SLC27A2: variants seen among roughly 807,000 people sequenced by gnomAD.
SLC27A2 encodes solute carrier family 27 member 2, also known as long-chain fatty acid transport protein 2.
In SLC27A2, 54 loss-of-function variants were observed where a neutral mutation model predicts 60.0. The observed-to-expected ratio is 0.90, with a 90% CI of 0.72 to 1.13. SLC27A2 has a LOEUF of 1.13. Among genes scored for constraint, SLC27A2 ranks in the 50% most tolerant of loss-of-function variants. The pLI is 0.00. For missense variants in SLC27A2, 739 were observed against 777.6 expected (o/e 0.95, Z 0.59); for synonymous variants, 297 against 297.6 (o/e 1.00, Z 0.02).
intron 1 of SLC27A2, among the ~76,000 whole-genome samples, chr15:50,186,178 A>C (rs2044921020): frequency 6.6e-6 from 1 of 152,080 alleles, no homozygotes; most frequent in Non-Finnish European, 1.5e-5. Context: ...CGGGAGGTTG[A>C]GGCTGCACTG....
At chr15:50,190,810 G>A (rs915971664) in intron 1 of SLC27A2, among the ~76,000 whole-genome samples, 15 of 152,120 alleles carry the variant, frequency 9.9e-5, no homozygotes, top group African/African-American at 3.6e-4. Context: ...AGAACCGACT[G>A]ATGGAGCTGC....
At chr15:50,224,178 C>T (rs1054009049) in intron 5 of SLC27A2, among the ~76,000 whole-genome samples, 1 of 152,206 alleles carries the variant, frequency 6.6e-6, no homozygotes, top group East Asian at 1.9e-4. Flanking sequence ...CAGCGGCTCA[C>T]GCCTGTAATC....
chr15:50,221,202 AAAAG>A (rs2140910574), intron 4 of SLC27A2, among the ~76,000 whole-genome samples: 1 of 152,088 alleles, frequency 6.6e-6, no homozygotes, highest in East Asian at 1.9e-4. Flanking sequence ...CTCGAAAAAA[AAAAG>A]AGAGAGAGAA....
At chr15:50,210,126 G>A (rs1352828679) in intron 4 of SLC27A2, among the ~76,000 whole-genome samples, 1 of 152,140 alleles carries the variant, frequency 6.6e-6, no homozygotes, top group African/African-American at 2.4e-5. Context: ...AAAATACGGA[G>A]GACAGGATCA....
At chr15:50,191,197 T>A (rs987897365) in intron 1 of SLC27A2, 1 of 152,252 alleles carries the variant, frequency 6.6e-6, no homozygotes, top group Non-Finnish European at 1.5e-5. Context: ...TGTAAAACTA[T>A]ACCAACAGTT....
At chr15:50,218,481 G>T (rs1235889723) in intron 4 of SLC27A2, among the ~76,000 whole-genome samples, 1 of 152,088 alleles carries the variant, frequency 6.6e-6, no homozygotes, top group Non-Finnish European at 1.5e-5. Context: ...TAAAATTAGT[G>T]CAGGAAAAAG....
At chr15:50,195,504 A>T (rs561150485) in intron 1 of SLC27A2, among the ~76,000 whole-genome samples, 133 of 151,828 alleles carry the variant, frequency 8.8e-4, no homozygotes, top group African/African-American at 2.9e-3. Context: ...ATAAATAAAT[A>T]AAATAAATAA....
At chr15:50,226,134 C>A in intron 6 of SLC27A2, 56 bp downstream of exon 6, 1 of 1,087,300 alleles carries the variant, frequency 9.2e-7, no homozygotes, top group Non-Finnish European at 1.4e-6. Flanking sequence ...GATCAAGTGA[C>A]TTTTAAGGAC....
Position 50,182,305 on chromosome 15 carries a change from C to T in SLC27A2, c.-123C>T, listed in dbSNP as rs182572083. 1.2e-4 allele frequency: 164 copies of T among 1,314,968 alleles called. 1 individual carries two copies. In the East Asian group the frequency reaches 4.9e-3, roughly 40 times the overall value. The allele number at this position is 1,314,968 out of a possible 1,614,324, so 81.5% of individuals were successfully genotyped here. A position where few individuals can be genotyped will look rare whatever the true frequency, so the allele number is the denominator to read the frequency against. On this transcript the variant is annotated 5_prime_UTR_variant, in exon 1 of 10. Transcript: ENST00000267842. ...TCTTCCCCTTCATCTCACGCGAGCC[C>T]GGCGTCCCGCCGCGTGCGCCCCGGC... is the stretch of plus-strand genomic sequence containing the variant.
intron 1 of SLC27A2, among the ~76,000 whole-genome samples, chr15:50,192,806 A>C: frequency 6.6e-6 from 1 of 150,866 alleles, no homozygotes; most frequent in African/African-American, 2.4e-5. Flanking sequence ...AAAAAAGAAG[A>C]AGAAGTACAG....
At chr15:50,216,854 A>G (rs890022483) in intron 4 of SLC27A2, among the ~76,000 whole-genome samples, 7 of 146,768 alleles carry the variant, frequency 4.8e-5, no homozygotes. Flanking sequence ...TAGTACATAT[A>G]TCCATAAATA....
At chr15:50,219,983 G>C (rs1326114695) in intron 4 of SLC27A2, among the ~76,000 whole-genome samples, 1 of 152,210 alleles carries the variant, frequency 6.6e-6, no homozygotes, top group African/African-American at 2.4e-5. Context: ...TATGGGAAAG[G>C]AAAACTTGAG....
rs941869392 is a variant in SLC27A2 at position 50,182,344 on chromosome 15, C to G, written c.-84C>G. On this transcript the variant is annotated 5_prime_UTR_variant, in exon 1 of 10. Coordinates refer to ENST00000267842, the MANE Select transcript of SLC27A2 (RefSeq NM_003645.4). Reference sequence around the variant, plus strand: ...GTGCGCCCCGGCGCAGCCCGCCAGTCCGCCCGGAGCCCGCCCAGTCGCCGC... The same window carrying G: ...GTGCGCCCCGGCGCAGCCCGCCAGTGCGCCCGGAGCCCGCCCAGTCGCCGC... The G allele has an allele frequency of 8.1e-6, 11 of 1,366,038 alleles. No individual in the cohort carries two copies. In the African/African-American group the frequency reaches 1.7e-4, roughly 21 times the overall value. 84.6% of individuals were successfully genotyped at this position (1,366,038 alleles called of 1,614,324 possible).
At chr15:50,234,516 G>C (rs537642184) in intron 9 of SLC27A2, among the ~76,000 whole-genome samples, 164 of 151,292 alleles carry the variant, frequency 1.1e-3, no homozygotes, top group Non-Finnish European at 1.9e-3. Flanking sequence ...GAACCTAGGA[G>C]GAGGAGGTTG....
intron 2 of SLC27A2, among the ~76,000 whole-genome samples, chr15:50,202,277 A>C (rs2045070547): frequency 6.6e-6 from 1 of 152,238 alleles, no homozygotes; most frequent in African/African-American, 2.4e-5. Context: ...CAGTTGTTGC[A>C]ACAGAGATTG....
At chr15:50,218,433 AG>A (rs1209664163) in intron 4 of SLC27A2, among the ~76,000 whole-genome samples, 1 of 152,184 alleles carries the variant, frequency 6.6e-6, no homozygotes, top group Non-Finnish European at 1.5e-5. Context: ...AAAACATCCG[AG>A]GGCTGGACAG....
chr15:50,235,174 G>C (rs1190238150), intron 9 of SLC27A2, among the ~76,000 whole-genome samples: 2 of 152,126 alleles, frequency 1.3e-5, no homozygotes, highest in African/African-American at 4.8e-5. Context: ...TGTGTGTATA[G>C]GATTATTCCT....
chr15:50,190,662 A>AT (rs1567426578), intron 1 of SLC27A2, among the ~76,000 whole-genome samples: 3 of 148,910 alleles, frequency 2.0e-5, no homozygotes, highest in Admixed American at 1.3e-4. Context: ...TGCTACCTTA[A>AT]TTTTTTAAAA....
At chr15:50,230,909 C>A (rs2045312543) in intron 8 of SLC27A2, among the ~76,000 whole-genome samples, 1 of 152,186 alleles carries the variant, frequency 6.6e-6, no homozygotes, top group South Asian at 2.1e-4. Context: ...CCCAGATCAG[C>A]AGTGTCAGCA....
Sources: gnomAD v4.1 joint callset for allele counts (sites outside exome capture counted in the v4.1 genomes callset) on GRCh38, gnomAD v4.1.1 for gene constraint, MANE v1.5 for transcripts, NCBI Gene and HGNC (gene_info 2026-07-23, HGNC 2026-07-21) for gene names.